The following GALC variants were observed in gnomAD, a reference collection of about 807,000 sequenced individuals.
GALC encodes galactocerebrosidase.
Under a neutral mutation model 91.8 loss-of-function variants are expected in GALC, and 77 were observed. The ratio of observed to expected loss-of-function variants is 0.84; its 90% CI spans 0.70 to 1.01. The LOEUF (loss-of-function observed/expected upper bound fraction) is 1.01. Ranked by LOEUF, GALC falls within the 50% of genes least tolerant of loss-of-function variation. The pLI is 0.00. For synonymous variants in GALC, 357 were observed against 306.7 expected (o/e 1.16, Z -1.71); for missense variants, 882 against 855.9 (o/e 1.03, Z -0.38).
chr14:87,941,253 T>C (rs1254388721), intron 15 of GALC, 142 bp downstream of exon 15: 5 of 650,860 alleles, frequency 7.7e-6, no homozygotes, highest in Non-Finnish European at 1.4e-5. Context: ...AACTATTTGG[T>C]ATTTGCTTAC....
rs962601311 is a variant in GALC at position 87,978,293 on chromosome 14, C to T, written c.622-1805G>A. 5.3e-5 allele frequency among the ~76,000 whole-genome samples: 8 copies of T among 152,180 alleles called. No homozygotes were observed. The East Asian group carries it at 5.8e-4, about 11-fold the overall frequency. ...CTCGAACTCCTGACCTCAGGTGGTC[C>T]GCCACTTTGGCTTCCCAAAGTGCTG... On this transcript the variant is annotated intron_variant, in intron 6 of 16. Coordinates refer to ENST00000261304, the MANE Select transcript of GALC (RefSeq NM_000153.4).
intron 16 of GALC, among the ~76,000 whole-genome samples, chr14:87,939,010 A>G (rs1044348692): frequency 6.6e-6 from 1 of 151,914 alleles, no homozygotes; most frequent in Non-Finnish European, 1.5e-5. Flanking sequence ...AAATACAAAT[A>G]GCCAGTAAAC....
chr14:87,968,553 A>G, intron 7 of GALC, 63 bp from the exon 8 acceptor site: 3 of 1,440,008 alleles, frequency 2.1e-6, no homozygotes, highest in Non-Finnish European at 2.9e-6. Context: ...ATATACGTAT[A>G]GATTTGTTGA....
intron 10 of GALC, among the ~76,000 whole-genome samples, chr14:87,963,005 TCTCAACAGA>T (rs1885873968): frequency 2.0e-5 from 3 of 152,204 alleles, no homozygotes; most frequent in Admixed American, 2.0e-4. Context: ...AGCTCGTTGC[TCTCAACAGA>T]CTTAAGGTCT....
chr14:87,993,358 G>C, upstream of GALC: 1 of 1,535,422 alleles, frequency 6.5e-7, no homozygotes, highest in Non-Finnish European at 8.7e-7. Flanking sequence ...TCTGTGGTCA[G>C]CTACTGGATT....
chr14:87,939,009 T>C (rs1056025482), intron 16 of GALC, among the ~76,000 whole-genome samples: 2 of 151,738 alleles, frequency 1.3e-5, no homozygotes, highest in Non-Finnish European at 2.9e-5. Flanking sequence ...AAAATACAAA[T>C]AGCCAGTAAA....
intron 10 of GALC, among the ~76,000 whole-genome samples, chr14:87,958,990 G>A (rs1177963998): frequency 6.6e-6 from 1 of 151,986 alleles, no homozygotes; most frequent in Non-Finnish European, 1.5e-5. Flanking sequence ...TAGACAAAGG[G>A]GATGACATCA....
chr14:87,943,080 G>C (rs982602892), intron 14 of GALC, among the ~76,000 whole-genome samples: 2 of 152,054 alleles, frequency 1.3e-5, no homozygotes, highest in African/African-American at 4.8e-5. Context: ...TCCAGAATAA[G>C]TGATTCTTGC....
chr14:87,963,433 A>C lies in GALC; in HGVS notation c.1112T>G (p.Val371Gly). 1 of 1,613,494 alleles carries C rather than the reference A, an allele frequency of 6.2e-7. No homozygotes were observed. The change falls in exon 10 of 17, where the codon GTA (valine) becomes GGA (glycine). Residue 371 changes from valine (V) to glycine (G), a missense_variant. Physicochemically the swap from Val to Gly is moderately radical, Grantham distance 109 (BLOSUM62 -3). Transcript: ENST00000261304. ...GTTCCCTAAGCCATCAGTCAGAGCT[A>C]CGTAGCTTCCTCCTTTCTCTAAATG... ...VGHLEKGGSY[V>G]ALTDGLGNLT...
Position 87,933,279 on chromosome 14 carries a change from T to C in GALC, c.*1453A>G, listed in dbSNP as rs405567. The C allele has an allele frequency of 0.49, 75,065 of 152,306 alleles. 19,176 individuals carry two copies. The highest frequency in any genetic ancestry group is 0.6 in the African/African-American group (24,986 of 41,416). 9.4% of individuals were successfully genotyped at this position (152,306 alleles called of 1,614,324 possible). On this transcript the variant is annotated 3_prime_UTR_variant, in exon 17 of 17. Coordinates refer to ENST00000261304, the MANE Select transcript of GALC (RefSeq NM_000153.4). ...ATTCCTATCAATGGCTGCCAACAAT[T>C]GGGAGTGAAAGGAACTGACTGAGCA...
At chr14:87,962,578 TACACACACACACACA>T (rs1885850852) in intron 10 of GALC, among the ~76,000 whole-genome samples, 1 of 146,438 alleles carries the variant, frequency 6.8e-6, no homozygotes, top group African/African-American at 2.5e-5. Context: ...CCTGATATGA[TACACACACACACACA>T]CACACACACA....
chr14:87,981,504 T>A (rs1293353616), intron 6 of GALC: 5 of 173,256 alleles, frequency 2.9e-5, no homozygotes, highest in African/African-American at 4.8e-5. Flanking sequence ...AATAAAATAC[T>A]GTCCCAAAAT....
intron 16 of GALC, among the ~76,000 whole-genome samples, chr14:87,939,371 A>C (rs545927332): frequency 3.4e-4 from 52 of 151,996 alleles, no homozygotes; most frequent in African/African-American, 1.2e-3. Flanking sequence ...TCTGCACAGC[A>C]TCCCTTGGAA....
intron 14 of GALC, among the ~76,000 whole-genome samples, chr14:87,942,210 G>A (rs78359996): frequency 0.032 from 4,795 of 152,084 alleles, 128 homozygotes; most frequent in Non-Finnish European, 0.048. Context: ...TACATCTGGG[G>A]CAGCCCCTTG....
chr14:87,935,104 A>G (rs1272614497), intron 16 of GALC, among the ~76,000 whole-genome samples: 4 of 152,130 alleles, frequency 2.6e-5, no homozygotes, highest in Admixed American at 2.0e-4. Context: ...CCAAAGTACA[A>G]GGAATACCTC....
At chr14:87,992,423 C>T (rs1355939512) in intron 1 of GALC, 4 of 1,535,542 alleles carry the variant, frequency 2.6e-6, no homozygotes, top group African/African-American at 1.4e-5. Flanking sequence ...CAAACGAAAT[C>T]CTATTCGGCG....
chr14:87,976,587 G>T, intron 6 of GALC, 99 bp from the exon 7 acceptor site: 3 of 982,826 alleles, frequency 3.1e-6, no homozygotes, highest in Non-Finnish European at 3.2e-6. Context: ...ACAAATCAGC[G>T]TTCTGGATAA....
At chr14:87,944,557 A>C (rs543498536) in intron 14 of GALC, among the ~76,000 whole-genome samples, 1 of 152,126 alleles carries the variant, frequency 6.6e-6, no homozygotes, top group South Asian at 2.1e-4. Context: ...GCGTAAAAAC[A>C]CAAGCCACAA....
chr14:87,988,643 G>A, intron 1 of GALC, 120 bp from the exon 2 acceptor site: 1 of 789,192 alleles, frequency 1.3e-6, no homozygotes, highest in Non-Finnish European at 2.3e-6. Flanking sequence ...GTCAGGCTGA[G>A]GAAAAGTTCC....
Sources: gnomAD v4.1 joint callset for allele counts (sites outside exome capture counted in the v4.1 genomes callset) on GRCh38, gnomAD v4.1.1 for gene constraint, MANE v1.5 for transcripts, NCBI Gene and HGNC (gene_info 2026-07-23, HGNC 2026-07-21) for gene names.